Variants in MBP observed in about 807,000 individuals in gnomAD.
MBP encodes the protein myelin basic protein.
In MBP, 16 loss-of-function variants were observed where a neutral mutation model predicts 35.8. That is an observed-to-expected ratio of 0.45 (90% CI 0.30 to 0.68). MBP has a LOEUF of 0.68. Among genes scored for constraint, MBP ranks in the 30% least tolerant of loss-of-function variants. The pLI is 0.08. For missense variants in MBP, 380 were observed against 404.7 expected, an observed-to-expected ratio of 0.94 and a Z score of 0.52; for synonymous variants, 143 against 159.6, an observed-to-expected ratio of 0.90 and a Z score of 0.78.
chr18:76,988,978 G>T lies in MBP; in HGVS notation c.682-66C>A, dbSNP rs1033076334. The T allele has an allele frequency of 6.8e-7, 1 of 1,478,826 alleles. No homozygotes were observed. The highest frequency in any genetic ancestry group is 9.5e-7 in the Non-Finnish European group (1 of 1,056,604). 91.6% of individuals were successfully genotyped at this position (1,478,826 alleles called of 1,614,324 possible). A position where few individuals can be genotyped will look rare whatever the true frequency, so the allele number is the denominator to read the frequency against. On this transcript the variant is annotated intron_variant, in intron 5 of 8. Transcript: ENST00000355994. This position sits in a 1 kb window ranked among gnomAD's most constrained non-coding sequence, Gnocchi z 5.2. ...TGTGCCGCCGTCCATTTCCTAACGG[G>T]CTCCTGCCTGCTGAGGGTGGCTAGC...
rs577533738 is a variant in MBP, at chr18:77,044,413, T to C, written c.139+21885A>G. Reference sequence around the variant, plus strand: ...TGCCCCTCTCCTCCACCTCCATAGATCAGGCTTCAGTGTCTGGGGACCTGG... The same window carrying C: ...TGCCCCTCTCCTCCACCTCCATAGACCAGGCTTCAGTGTCTGGGGACCTGG... On this transcript the variant is annotated intron_variant, in intron 3 of 8. Transcript: ENST00000355994. The surrounding 1 kb of genome is among the most constrained non-coding windows in gnomAD (Gnocchi z 4.4). Among the ~76,000 whole-genome samples the C allele has an allele frequency of 6.6e-6, 1 of 152,006 alleles. No individual in the cohort carries two copies. Among genetic ancestry groups the C allele is most frequent in the Non-Finnish European group, 1.5e-5 (1 of 67,998 alleles).
intron 3 of MBP, among the ~76,000 whole-genome samples, chr18:77,045,663 T>C (rs1176316870): frequency 2.6e-5 from 4 of 152,256 alleles, no homozygotes; most frequent in African/African-American, 9.6e-5. Flanking sequence ...GTGACAAAAT[T>C]CCACACTGTT....
At chr18:77,130,662 A>G (rs1977210913) in intron 1 of MBP, among the ~76,000 whole-genome samples, 1 of 151,858 alleles carries the variant, frequency 6.6e-6, no homozygotes, top group African/African-American at 2.4e-5. Context: ...AAATAGAAAC[A>G]TCACAAGAAA....
chr18:76,988,363 G>C lies in MBP; in HGVS notation c.750+132C>G. On this transcript the variant is annotated intron_variant, in intron 7 of 8. Coordinates refer to ENST00000355994, the MANE Select transcript of MBP (RefSeq NM_001025101.2). The surrounding 1 kb of genome is among the most constrained non-coding windows in gnomAD (Gnocchi z 5.2). ...AAGACAAGGCGGCCCGATCCCAGCT[G>C]TGGGCAGAGAGGTCTCGAGAGGAGA... The C allele has an allele frequency of 6.2e-7, 1 of 1,611,928 alleles. No homozygotes were observed. Among genetic ancestry groups the C allele is most frequent in the Non-Finnish European group, 8.5e-7 (1 of 1,178,816 alleles).
At chr18:77,072,546 T>C (rs1159558884) in intron 2 of MBP, among the ~76,000 whole-genome samples, 4 of 152,338 alleles carry the variant, frequency 2.6e-5, no homozygotes, top group African/African-American at 7.2e-5. Context: ...TACTTTTCTA[T>C]GTGGTCATCG....
In MBP at chr18:76,993,569, C is replaced by A. The variant is rs539929; in HGVS notation, c.577-3509G>T. 1.6e-3 allele frequency among the ~76,000 whole-genome samples: 215 copies of A among 135,386 alleles called. 2 individuals carry two copies. The highest frequency in any genetic ancestry group is 3.5e-3 in the African/African-American group (134 of 38,162). The allele number at this position is 135,386 out of a possible 152,430, so 88.8% of individuals were successfully genotyped here. A position where few individuals can be genotyped will look rare whatever the true frequency, so the allele number is the denominator to read the frequency against. On this transcript the variant is annotated intron_variant, in intron 4 of 8. Coordinates refer to ENST00000355994, the MANE Select transcript of MBP (RefSeq NM_001025101.2). The stretch of plus-strand genomic sequence containing the variant: ...TGTCTCCAAAAAAAAAAAAAAAAAA[C>A]AAAAGATCCCATTTTATCCCTTGGA...
intron 2 of MBP, among the ~76,000 whole-genome samples, chr18:77,084,484 C>T (rs993811688): frequency 6.7e-6 from 1 of 148,490 alleles, no homozygotes. Flanking sequence ...TCCGTGAGGA[C>T]AGTTGCCCAG....
At chr18:77,110,853 C>G (rs1010195298) in intron 1 of MBP, among the ~76,000 whole-genome samples, 1 of 152,170 alleles carries the variant, frequency 6.6e-6, no homozygotes, top group Non-Finnish European at 1.5e-5. Flanking sequence ...ATCTAACCAG[C>G]AGGATCCACT....
intron 4 of MBP, among the ~76,000 whole-genome samples, chr18:76,997,904 G>C (rs540142269): frequency 2.4e-3 from 334 of 141,470 alleles, no homozygotes; most frequent in Non-Finnish European, 4.4e-3. Flanking sequence ...GGATGGTCTC[G>C]ATCTCCTGAC....
chr18:77,108,992 A>G (rs1231011912), intron 1 of MBP: 2 of 152,294 alleles, frequency 1.3e-5, no homozygotes, highest in Non-Finnish European at 2.9e-5. Context: ...AGTAGAGGTA[A>G]TAAAACTTGC....
At chr18:77,114,595 A>G (rs764709488) in intron 1 of MBP, 1 of 152,232 alleles carries the variant, frequency 6.6e-6, no homozygotes, top group African/African-American at 2.4e-5. Context: ...TAGCGAGGTC[A>G]TGAGGAAACC....
At chr18:76,981,662 A>G (rs1969211012) in intron 8 of MBP, 1 of 152,232 alleles carries the variant, frequency 6.6e-6, no homozygotes. Context: ...TTCCCTCCCA[A>G]GACAGGCAGC....
At chr18:77,031,092 T>G (rs575681742) in intron 3 of MBP, among the ~76,000 whole-genome samples, 56 of 152,222 alleles carry the variant, frequency 3.7e-4, no homozygotes, top group Non-Finnish European at 6.9e-4. Flanking sequence ...AAAAATCCTA[T>G]TTTCAGAAAA....
intron 1 of MBP, among the ~76,000 whole-genome samples, chr18:77,126,203 C>A (rs1445217062): frequency 6.6e-6 from 1 of 152,136 alleles, no homozygotes; most frequent in Non-Finnish European, 1.5e-5. Context: ...TCTAGCAACA[C>A]ATAAAAAAGT....
chr18:77,012,747 A>C (rs538359997), intron 4 of MBP: 2 of 982,636 alleles, frequency 2.0e-6, no homozygotes, highest in Admixed American at 6.1e-5. Flanking sequence ...CAACCAAACC[A>C]AAAACGACAA....
intron 3 of MBP, among the ~76,000 whole-genome samples, chr18:77,056,101 C>T (rs1973707480): frequency 6.6e-6 from 1 of 152,190 alleles, no homozygotes; most frequent in Admixed American, 6.5e-5. Context: ...GCAGTGAGGC[C>T]GCTGGCAGTG....
At chr18:77,130,570 C>T (rs1297865947) in intron 1 of MBP, among the ~76,000 whole-genome samples, 1 of 151,892 alleles carries the variant, frequency 6.6e-6, no homozygotes, top group African/African-American at 2.4e-5. Context: ...TCATCTTAAG[C>T]ATGTCATATT....
chr18:77,016,223 G>A (rs968176939), intron 4 of MBP: 6 of 984,114 alleles, frequency 6.1e-6, no homozygotes, highest in Non-Finnish European at 7.2e-6. Context: ...GACTCTGTAT[G>A]CAAATTAATG....
intron 2 of MBP, among the ~76,000 whole-genome samples, chr18:77,086,505 T>A (rs886390471): frequency 1.3e-5 from 2 of 152,204 alleles, no homozygotes; most frequent in African/African-American, 4.8e-5. Flanking sequence ...TACACGAAGA[T>A]GCAAGTCATA....
Sources: allele counts gnomAD v4.1 joint callset (sites outside exome capture counted in the v4.1 genomes callset), GRCh38; gene constraint gnomAD v4.1.1; non-coding constraint Gnocchi (gnomAD v3.1); transcripts MANE v1.5; gene names NCBI Gene and HGNC (gene_info 2026-07-23, HGNC 2026-07-21).